The following OR4D11 variants were observed in gnomAD, a reference collection of about 807,000 sequenced individuals.
OR4D11 encodes olfactory receptor 4D11.
In OR4D11, 11 loss-of-function variants were observed where a neutral mutation model predicts 11.7. The observed-to-expected ratio is 0.94, with a 90% CI of 0.59 to 1.56. The LOEUF (loss-of-function observed/expected upper bound fraction) is 1.56, where lower values mean the gene tolerates loss of function less well. Among genes scored for constraint, OR4D11 ranks in the 40% most tolerant of loss-of-function variants. The probability of loss-of-function intolerance (pLI) is 0.00; values close to 1 mark genes in which losing one functional copy is unlikely to be tolerated. For missense variants in OR4D11, 384 were observed against 373.9 expected (o/e 1.03, Z -0.22); for synonymous variants, 165 against 150.0 (o/e 1.10, Z -0.73).
chr11:59,503,858 A>G lies in OR4D11; in HGVS notation c.283A>G (p.Thr95Ala). 6.2e-7 allele frequency: 1 copy of G among 1,614,116 alleles called. No individual in the cohort carries two copies. The highest frequency in any genetic ancestry group is 8.5e-7 in the Non-Finnish European group (1 of 1,179,986). The change falls in exon 1 of 1, where the codon ACA (threonine) becomes GCA (alanine). Residue 95 changes from threonine to alanine, a missense_variant. By Grantham distance (58) the Thr-to-Ala change is moderately conservative (BLOSUM62 0). Coordinates refer to ENST00000313253, the MANE Select transcript of OR4D11 (RefSeq NM_001004706.1). ...LLSKKKTISY[T>A]SCMTQIFLFH... is the part of the protein sequence containing the mutation. ...GTCAAAGAAAAAGACCATATCCTAT[A>G]CAAGCTGCATGACACAGATATTTCT...
Position 59,504,058 on chromosome 11 carries a change from C to CCTGTTG in OR4D11, c.487_492dup (p.Leu163_Leu164dup). ...TTGTCCACTCCATCGTGCAGATCTCCCTGTTGCTGCCTCTCCCTTTCTGTG... is the reference window on the plus strand; with the variant it reads ...TTGTCCACTCCATCGTGCAGATCTCCCTGTTGCTGTTGCTGCCTCTCCCTTTCTGTG... On this transcript the variant is annotated inframe_insertion, in exon 1 of 1. Transcript: ENST00000313253. 1 of 1,613,720 alleles carries CCTGTTG rather than the reference C, an allele frequency of 6.2e-7. No homozygotes were observed. Among genetic ancestry groups the CCTGTTG allele is most frequent in the Non-Finnish European group, 8.5e-7 (1 of 1,179,846 alleles).
Position 59,504,308 on chromosome 11 carries a change from ACTGTGGTGACC to A in OR4D11, c.737_747del (p.Val246AlafsTer60), listed in dbSNP as rs748131195. The A allele has an allele frequency of 5.6e-6, 9 of 1,613,928 alleles. No homozygotes were observed. The highest frequency in any genetic ancestry group is 3.3e-5 in the South Asian group (3 of 91,060). On this transcript the variant is annotated frameshift_variant, in exon 1 of 1. Transcript: ENST00000313253. LOFTEE classifies it high-confidence loss of function. ...CATCTCCACTTGCACCTCCCACATC[ACTGTGGTGACC>A]CTGCATTTTGTGCCCTGCATCTATG...
In OR4D11 at chr11:59,503,682, T is replaced by C. The variant is rs144072390; in HGVS notation, c.107T>C (p.Met36Thr). ...TTTCTTTTTTTATGTCTTGTGTACA[T>C]GACGACTCTGCTGGGAAACCTCCTC... ...VLFLFLCLVY[M>T]TTLLGNLLIM... Residue 36 changes from methionine to threonine, a missense_variant, in exon 1 of 1, where the codon ATG (methionine) becomes ACG (threonine). By Grantham distance (81) the Met-to-Thr change is moderately conservative. Transcript: ENST00000313253. The C allele has an allele frequency of 3.7e-6, 6 of 1,605,896 alleles. No homozygotes were observed. The highest frequency in any genetic ancestry group is 5.1e-6 in the Non-Finnish European group (6 of 1,172,412).
chr11:59,504,192 T>G lies in OR4D11; in HGVS notation c.617T>G (p.Val206Gly). 1 of 1,614,180 alleles carries G rather than the reference T, an allele frequency of 6.2e-7. No individual in the cohort carries two copies. The highest frequency in any genetic ancestry group is 8.5e-7 in the Non-Finnish European group (1 of 1,180,006). The change falls in exon 1 of 1, where the codon GTC becomes GGC. Residue 206 changes from valine to glycine, a missense_variant. Physicochemically the swap from Val to Gly is moderately radical, Grantham distance 109. Transcript: ENST00000313253. ...TTGATGATTTCCAACAATGGCCTGGTCACTACCCTGTGGTTTATCTTCCTG... is the reference window on the plus strand; with the variant it reads ...TTGATGATTTCCAACAATGGCCTGGGCACTACCCTGTGGTTTATCTTCCTG... ...EFLMISNNGL[V>G]TTLWFIFLLV...
Position 59,504,116 on chromosome 11 carries a change from G to A in OR4D11, c.541G>A (p.Val181Ile). 6.2e-7 allele frequency: 1 copy of A among 1,614,154 alleles called. No homozygotes were observed. Among genetic ancestry groups the A allele is most frequent in the Non-Finnish European group, 8.5e-7 (1 of 1,180,036 alleles). The change falls in exon 1 of 1, where the codon GTC (valine) becomes ATC (isoleucine). Residue 181 changes from valine to isoleucine, a missense_variant. Transcript: ENST00000313253. ...TGTTCTTGACACTTTCTACTGCGAT[G>A]TCCCCCAGGTCCTCAAACTCACTTG... ...PNVLDTFYCDVPQVLKLTCTD... is the reference protein window; with the variant it reads ...PNVLDTFYCDIPQVLKLTCTD...
At position 59,504,473 on chromosome 11, in the gene OR4D11, AG is replaced by A; in HGVS notation, c.899del (p.Arg300AsnfsTer2). 1 of 1,614,074 alleles carries A rather than the reference AG, an allele frequency of 6.2e-7. No individual in the cohort carries two copies. The highest frequency in any genetic ancestry group is 1.1e-5 in the South Asian group (1 of 91,080). ...RNQEMKSAMRRLKRRLVPSER... is the reference protein window; with the variant it reads ...RNQEMKSAMRXLKRRLVPSER... ...CCAGGAAATGAAGTCAGCCATGAGA[AG>A]ACTGAAGAGAAGACTCGTGCCTTCT... On this transcript the variant is annotated frameshift_variant, in exon 1 of 1. Transcript: ENST00000313253. LOFTEE classifies it low-confidence loss of function (END_TRUNC).
In OR4D11 at chr11:59,504,238, C is replaced by A. The variant is rs1036964063; in HGVS notation, c.663C>A (p.Ile221=). The A allele has an allele frequency of 3.1e-5, 50 of 1,614,100 alleles. No homozygotes were observed. The highest frequency in any genetic ancestry group is 4.2e-5 in the Non-Finnish European group (49 of 1,180,060). Reference sequence around the variant, plus strand: ...TCCTGCTTGTGTCCTACACAGTCATCCTAATGACGCTGAGGTCTCAGGCAG... The same window carrying A: ...TCCTGCTTGTGTCCTACACAGTCATACTAATGACGCTGAGGTCTCAGGCAG... The part of the protein sequence containing the change: ...FIFLLVSYTV[I]LMTLRSQAGG... The change falls in exon 1 of 1, where the codon ATC becomes ATA. Residue 221 remains isoleucine, a synonymous_variant. Coordinates refer to ENST00000313253, the MANE Select transcript of OR4D11 (RefSeq NM_001004706.1).
At position 59,503,734 on chromosome 11, in the gene OR4D11, T is replaced by C. The variant is rs1246228668; in HGVS notation, c.159T>C (p.Ser53=). The C allele has an allele frequency of 6.2e-7, 1 of 1,613,862 alleles. No individual in the cohort carries two copies. Among genetic ancestry groups the C allele is most frequent in the East Asian group, 2.2e-5 (1 of 44,882 alleles). ...LLIMVTVTCE[S]RLHTPMYFLL... is the part of the protein sequence containing the mutation. ...TCATGGTCACCGTGACCTGTGAGTC[T>C]CGCCTTCACACCCCCATGTACTTCC... Residue 53 remains serine (S), a synonymous_variant, in exon 1 of 1, where the codon TCT becomes TCC. Coordinates refer to ENST00000313253, the MANE Select transcript of OR4D11 (RefSeq NM_001004706.1).
In OR4D11 at chr11:59,504,352, C is replaced by T; in HGVS notation, c.777C>T (p.Ala259=). The change falls in exon 1 of 1, where the codon GCC becomes GCT. Residue 259 remains alanine, a synonymous_variant. Transcript: ENST00000313253. The stretch of plus-strand genomic sequence containing the variant: ...TTGTGCCCTGCATCTATGTCTATGC[C>T]CGGCCCTTCACTGCCCTCCCCACAG... ...LHFVPCIYVY[A]RPFTALPTEK... is the part of the protein sequence containing the mutation. 6.2e-7 allele frequency: 1 copy of T among 1,614,134 alleles called. No homozygotes were observed.
At position 59,503,768 on chromosome 11, in the gene OR4D11, A is replaced by G. The variant is rs781304951; in HGVS notation, c.193A>G (p.Asn65Asp). 3.1e-6 allele frequency: 5 copies of G among 1,613,728 alleles called. No homozygotes were observed. The highest frequency in any genetic ancestry group is 8.5e-7 in the Non-Finnish European group (1 of 1,179,700). Reference sequence around the variant, plus strand: ...CACCCCCATGTACTTCCTGCTCCGCAATCTAGCCATCCTTGACATCTGCTT... The same window carrying G: ...CACCCCCATGTACTTCCTGCTCCGCGATCTAGCCATCCTTGACATCTGCTT... ...LHTPMYFLLR[N>D]LAILDICFSS... Residue 65 changes from asparagine to aspartate, a missense_variant, in exon 1 of 1, where the codon AAT becomes GAT. Asn to Asp is a conservative substitution (Grantham distance 23). Coordinates refer to ENST00000313253, the MANE Select transcript of OR4D11 (RefSeq NM_001004706.1).
rs374819635 is a variant in OR4D11 at position 59,504,112 on chromosome 11, C to T, written c.537C>T (p.Cys179=). 97 of 1,614,188 alleles carry T rather than the reference C, an allele frequency of 6.0e-5. No homozygotes were observed. The highest frequency in any genetic ancestry group is 3.3e-4 in the Middle Eastern group (2 of 6,062). Residue 179 remains cysteine (C), a synonymous_variant, in exon 1 of 1, where the codon TGC becomes TGT. Transcript: ENST00000313253. The part of the protein sequence containing the change: ...CGPNVLDTFY[C]DVPQVLKLTC... Reference sequence around the variant, plus strand: ...CCAATGTTCTTGACACTTTCTACTGCGATGTCCCCCAGGTCCTCAAACTCA... The same window carrying T: ...CCAATGTTCTTGACACTTTCTACTGTGATGTCCCCCAGGTCCTCAAACTCA...
rs774184777 is a variant in OR4D11 at position 59,503,787 on chromosome 11, T to A, written c.212T>A (p.Ile71Asn). 1.2e-6 allele frequency: 2 copies of A among 1,613,470 alleles called. No homozygotes were observed. Among genetic ancestry groups the A allele is most frequent in the East Asian group, 4.5e-5 (2 of 44,868 alleles). Residue 71 changes from isoleucine to asparagine, a missense_variant, in exon 1 of 1, where the codon ATC (isoleucine) becomes AAC (asparagine). Ile to Asn is a moderately radical substitution (Grantham distance 149). Transcript: ENST00000313253. ...CTCCGCAATCTAGCCATCCTTGACA[T>A]CTGCTTCTCCTCCACAACTGCTCCT... ...FLLRNLAILDICFSSTTAPKV... is the reference protein window; with the variant it reads ...FLLRNLAILDNCFSSTTAPKV...
chr11:59,504,365 GC>G lies in OR4D11; in HGVS notation c.793del (p.Leu265SerfsTer18). On this transcript the variant is annotated frameshift_variant, in exon 1 of 1. Coordinates refer to ENST00000313253, the MANE Select transcript of OR4D11 (RefSeq NM_001004706.1). LOFTEE classifies it high-confidence loss of function. ...CIYVYARPFT[A>X]LPTEKAISVT... ...CTATGTCTATGCCCGGCCCTTCACT[GC>G]CCTCCCCACAGAAAAGGCCATCTCT... 6.2e-7 allele frequency: 1 copy of G among 1,613,984 alleles called. No individual in the cohort carries two copies. The highest frequency in any genetic ancestry group is 8.5e-7 in the Non-Finnish European group (1 of 1,180,006).
rs369527114 is a variant in OR4D11 at position 59,504,273 on chromosome 11, G to T, written c.698G>T (p.Arg233Met). The change falls in exon 1 of 1, where the codon AGG becomes ATG. Residue 233 changes from arginine (R) to methionine (M), a missense_variant. Arg to Met is a moderately conservative substitution (Grantham distance 91). Transcript: ENST00000313253. ...MTLRSQAGGG[R>M]RKAISTCTSH... Reference sequence around the variant, plus strand: ...CTGAGGTCTCAGGCAGGAGGGGGCAGGAGGAAAGCCATCTCCACTTGCACC... The same window carrying T: ...CTGAGGTCTCAGGCAGGAGGGGGCATGAGGAAAGCCATCTCCACTTGCACC... 6.2e-7 allele frequency: 1 copy of T among 1,614,040 alleles called. No homozygotes were observed. Among genetic ancestry groups the T allele is most frequent in the Non-Finnish European group, 8.5e-7 (1 of 1,180,036 alleles).
Position 59,504,414 on chromosome 11 carries a change from C to G in OR4D11, c.839C>G (p.Pro280Arg), listed in dbSNP as rs760658266. 1 of 1,503,224 alleles carries G rather than the reference C, an allele frequency of 6.7e-7. No individual in the cohort carries two copies. The highest frequency in any genetic ancestry group is 1.3e-5 in the South Asian group (1 of 78,580). The allele number at this position is 1,503,224 out of a possible 1,614,324, so 93.1% of individuals were successfully genotyped here. A position where few individuals can be genotyped will look rare whatever the true frequency, so the allele number is the denominator to read the frequency against. ...AISVTFTVIS[P>R]LLNPLIYTLR... Reference sequence around the variant, plus strand: ...TCTGTCACCTTCACTGTCATCTCCCCTCTGCTGAACCCTTTGATCTACACT... The same window carrying G: ...TCTGTCACCTTCACTGTCATCTCCCGTCTGCTGAACCCTTTGATCTACACT... The change falls in exon 1 of 1, where the codon CCT becomes CGT. Residue 280 changes from proline (P) to arginine (R), a missense_variant. By Grantham distance (103) the Pro-to-Arg change is moderately radical. Coordinates refer to ENST00000313253, the MANE Select transcript of OR4D11 (RefSeq NM_001004706.1).
rs115303060 is a variant in OR4D11 at position 59,504,004 on chromosome 11, C to A, written c.429C>A (p.Ala143=). The change falls in exon 1 of 1, where the codon GCC becomes GCA. Residue 143 remains alanine (A), a synonymous_variant. Transcript: ENST00000313253. ...VTIMSRGQCT[A]LISASWMGGF... is the part of the protein sequence containing the mutation. ...TCATGAGTAGAGGGCAATGCACTGCCCTCATCTCTGCCTCTTGGATGGGGG... is the reference window on the plus strand; with the variant it reads ...TCATGAGTAGAGGGCAATGCACTGCACTCATCTCTGCCTCTTGGATGGGGG... The A allele has an allele frequency of 6.2e-7, 1 of 1,614,086 alleles. No individual in the cohort carries two copies. The highest frequency in any genetic ancestry group is 2.2e-5 in the East Asian group (1 of 44,882).
rs1022700896 is a variant in OR4D11 at position 59,503,758 on chromosome 11, C to A, written c.183C>A (p.Phe61Leu). ...CESRLHTPMY[F>L]LLRNLAILDI... is the part of the protein sequence containing the mutation. ...CTCGCCTTCACACCCCCATGTACTT[C>A]CTGCTCCGCAATCTAGCCATCCTTG... Residue 61 changes from phenylalanine to leucine, a missense_variant, in exon 1 of 1, where the codon TTC becomes TTA. Coordinates refer to ENST00000313253, the MANE Select transcript of OR4D11 (RefSeq NM_001004706.1). 29 of 1,613,874 alleles carry A rather than the reference C, an allele frequency of 1.8e-5. No homozygotes were observed. Among genetic ancestry groups the A allele is most frequent in the Non-Finnish European group, 2.3e-5 (27 of 1,179,796 alleles).
chr11:59,503,827 C>A lies in OR4D11; in HGVS notation c.252C>A (p.Asp84Glu), dbSNP rs1175659416. ...CAACTGCTCCTAAAGTCTTGCTGGA[C>A]CTTCTGTCAAAGAAAAAGACCATAT... is the stretch of plus-strand genomic sequence containing the variant. ...SSTTAPKVLL[D>E]LLSKKKTISY... Residue 84 changes from aspartate (D) to glutamate (E), a missense_variant, in exon 1 of 1, where the codon GAC (aspartate) becomes GAA (glutamate). By Grantham distance (45) the Asp-to-Glu change is conservative. Transcript: ENST00000313253. 4 of 1,613,594 alleles carry A rather than the reference C, an allele frequency of 2.5e-6. No individual in the cohort carries two copies. The highest frequency in any genetic ancestry group is 1.3e-5 in the African/African-American group (1 of 74,896).
chr11:59,504,233 G>T lies in OR4D11; in HGVS notation c.658G>T (p.Val220Phe), dbSNP rs765548104. Residue 220 changes from valine (V) to phenylalanine (F), a missense_variant, in exon 1 of 1, where the codon GTC (valine) becomes TTC (phenylalanine). By Grantham distance (50) the Val-to-Phe change is conservative. Coordinates refer to ENST00000313253, the MANE Select transcript of OR4D11 (RefSeq NM_001004706.1). Reference protein sequence around the residue: ...WFIFLLVSYTVILMTLRSQAG... With the variant: ...WFIFLLVSYTFILMTLRSQAG... ...TATCTTCCTGCTTGTGTCCTACACA[G>T]TCATCCTAATGACGCTGAGGTCTCA... The T allele has an allele frequency of 1.9e-6, 3 of 1,614,078 alleles. No individual in the cohort carries two copies. Among genetic ancestry groups the T allele is most frequent in the Non-Finnish European group, 2.5e-6 (3 of 1,180,052 alleles).
Sources: allele counts gnomAD v4.1 joint callset, GRCh38; gene constraint gnomAD v4.1.1; transcripts MANE v1.5; gene names NCBI Gene and HGNC (gene_info 2026-07-23, HGNC 2026-07-21).